NGB: variants seen among roughly 807,000 people sequenced by gnomAD.
The protein encoded by NGB is nitrite reductase.
NGB carries 12 observed loss-of-function variants against 17.3 expected under a neutral mutation model. That is an observed-to-expected ratio of 0.69 (90% CI 0.45 to 1.13). NGB has a LOEUF of 1.13. NGB is among the 50% of genes most tolerant of loss of function. The pLI is 0.00. For synonymous variants in NGB, 87 were observed against 81.0 expected, an observed-to-expected ratio of 1.07 and a Z score of -0.40; for missense variants, 195 against 191.7, an observed-to-expected ratio of 1.02 and a Z score of -0.10.
In NGB at chr14:77,266,502, CAG is replaced by C; in HGVS notation, c.*32_*33del. On this transcript the variant is annotated 3_prime_UTR_variant, in exon 4 of 4. Coordinates refer to ENST00000298352, the MANE Select transcript of NGB (RefSeq NM_021257.4). ...ACAGATACAGGCCAACAGACAGACA[CAG>C]ATGGATGGGGGCTGCCGGGCGGGGT... 1 of 1,600,700 alleles carries C rather than the reference CAG, an allele frequency of 6.2e-7. No homozygotes were observed. The highest frequency in any genetic ancestry group is 8.5e-7 in the Non-Finnish European group (1 of 1,173,016).
At chr14:77,269,438 C>A in intron 1 of NGB, 112 bp from the exon 2 acceptor site, 1 of 659,210 alleles carries the variant, frequency 1.5e-6, no homozygotes, top group Non-Finnish European at 2.7e-6. Context: ...GTCTCAGCTG[C>A]AAACCACAGC....
intron 3 of NGB, 100 bp from the exon 4 acceptor site, chr14:77,266,770 G>T: frequency 7.2e-7 from 1 of 1,390,636 alleles, no homozygotes; most frequent in Non-Finnish European, 9.7e-7. Flanking sequence ...TAGGGCTCCT[G>T]GGCCTTTTTT....
Position 77,268,844 on chromosome 14 carries a change from G to A in NGB, c.202-259C>T, listed in dbSNP as rs1889710433. On this transcript the variant is annotated intron_variant, in intron 2 of 3. Coordinates refer to ENST00000298352, the MANE Select transcript of NGB (RefSeq NM_021257.4). ...CACATCTCTAAACACACCTACTGGAGAGTGTTGTCTGCTGGGACAAGGAGA... is the reference window on the plus strand; with the variant it reads ...CACATCTCTAAACACACCTACTGGAAAGTGTTGTCTGCTGGGACAAGGAGA... Among the ~76,000 whole-genome samples, 4 of 152,356 alleles carry A rather than the reference G, an allele frequency of 2.6e-5. No homozygotes were observed. The South Asian group carries it at 8.3e-4, about 32-fold the overall frequency.
chr14:77,269,555 G>C (rs1889723083), intron 1 of NGB, among the ~76,000 whole-genome samples: 1 of 152,154 alleles, frequency 6.6e-6, no homozygotes, highest in East Asian at 1.9e-4. Context: ...ATGTGTCCCA[G>C]GGCCTCTGGT....
Position 77,270,888 on chromosome 14 carries a change from C to A in NGB, c.50G>T (p.Ser17Ile). The A allele has an allele frequency of 6.3e-7, 1 of 1,585,634 alleles. No individual in the cohort carries two copies. The highest frequency in any genetic ancestry group is 8.5e-7 in the Non-Finnish European group (1 of 1,172,552). Residue 17 changes from serine to isoleucine, a missense_variant, in exon 1 of 4, where the codon AGC becomes ATC. Ser to Ile is a moderately radical substitution (Grantham distance 142). Transcript: ENST00000298352. ...GGTGCCGTGCTCCAGCGGGCTGCGG[C>A]TCACTGCCCGCCAGCTCTGCCGGAT... ...ELIRQSWRAVSRSPLEHGTVL... is the reference protein window; with the variant it reads ...ELIRQSWRAVIRSPLEHGTVL...
chr14:77,268,570 CA>C lies in NGB; in HGVS notation c.216del (p.Ile72MetfsTer5). ...LDHIRKVMLVIDAAVTNVEDL... is the reference protein window; with the variant it reads ...LDHIRKVMLVXDAAVTNVEDL... ...TCTTCCACATTGGTCACTGCAGCATCAATCACGAGCATCACCTGCCAAGGCC... is the reference window on the plus strand; with the variant it reads ...TCTTCCACATTGGTCACTGCAGCATCATCACGAGCATCACCTGCCAAGGCC... On this transcript the variant is annotated frameshift_variant, in exon 3 of 4. Transcript: ENST00000298352. LOFTEE classifies it high-confidence loss of function. 1 of 1,614,010 alleles carries C rather than the reference CA, an allele frequency of 6.2e-7. No individual in the cohort carries two copies. The highest frequency in any genetic ancestry group is 8.5e-7 in the Non-Finnish European group (1 of 1,179,976).
chr14:77,269,790 C>T lies in NGB; in HGVS notation c.90-464G>A, dbSNP rs1306964. On this transcript the variant is annotated intron_variant, in intron 1 of 3. Transcript: ENST00000298352. ...CTCTCTCTCTCTCTCTCTCCCTCTCCCTCTCCCCCCCCCCCCCCCCCCCCC... is the reference window on the plus strand; with the variant it reads ...CTCTCTCTCTCTCTCTCTCCCTCTCTCTCTCCCCCCCCCCCCCCCCCCCCC... Among the ~76,000 whole-genome samples the T allele has an allele frequency of 4.1e-3, 96 of 23,500 alleles. 1 individual carries two copies. Among genetic ancestry groups the T allele is most frequent in the Non-Finnish European group, 5.2e-3 (68 of 12,990 alleles). 15.4% of individuals were successfully genotyped at this position (23,500 alleles called of 152,430 possible). A position where few individuals can be genotyped will look rare whatever the true frequency, so the allele number is the denominator to read the frequency against.
chr14:77,267,755 C>A (rs938136473), intron 3 of NGB, among the ~76,000 whole-genome samples: 1 of 152,172 alleles, frequency 6.6e-6, no homozygotes, highest in African/African-American at 2.4e-5. Flanking sequence ...GGCAAGGTGA[C>A]TGGACTGTGT....
chr14:77,266,708 A>G (rs1411142268), intron 3 of NGB, 38 bp from the exon 4 acceptor site: 1 of 1,607,140 alleles, frequency 6.2e-7, no homozygotes, highest in Non-Finnish European at 8.5e-7. Flanking sequence ...TTCCAAAGGC[A>G]GAAAGGCACT....
Position 77,270,885 on chromosome 14 carries a change from C to G in NGB, c.53G>C (p.Arg18Pro). The change falls in exon 1 of 4, where the codon CGC (arginine) becomes CCC (proline). Residue 18 changes from arginine (R) to proline (P), a missense_variant. Coordinates refer to ENST00000298352, the MANE Select transcript of NGB (RefSeq NM_021257.4). Reference protein sequence around the residue: ...LIRQSWRAVSRSPLEHGTVLF... With the variant: ...LIRQSWRAVSPSPLEHGTVLF... ...GACGGTGCCGTGCTCCAGCGGGCTG[C>G]GGCTCACTGCCCGCCAGCTCTGCCG... 1 of 1,585,274 alleles carries G rather than the reference C, an allele frequency of 6.3e-7. No homozygotes were observed. Among genetic ancestry groups the G allele is most frequent in the Non-Finnish European group, 8.5e-7 (1 of 1,172,378 alleles).
Position 77,271,097 on chromosome 14 carries a change from C to A in NGB, c.-160G>T, listed in dbSNP as rs1046734354. The stretch of plus-strand genomic sequence containing the variant: ...GGCCGCAGCCGCTCCTTCCCTGGCG[C>A]GGGAGAGAAAAGGCGCGCGGCCAGT... On this transcript the variant is annotated 5_prime_UTR_variant, in exon 1 of 4. Transcript: ENST00000298352. The A allele has an allele frequency of 1.7e-5, 9 of 537,920 alleles. No homozygotes were observed. Among genetic ancestry groups the A allele is most frequent in the Non-Finnish European group, 2.2e-5 (7 of 317,836 alleles). The allele number at this position is 537,920 out of a possible 1,614,324, so 33.3% of individuals were successfully genotyped here. A position where few individuals can be genotyped will look rare whatever the true frequency, so the allele number is the denominator to read the frequency against.
rs1474210146 is a variant in NGB at position 77,269,819 on chromosome 14, C to A, written c.90-493G>T. Among the ~76,000 whole-genome samples, 6 of 83,180 alleles carry A rather than the reference C, an allele frequency of 7.2e-5. No homozygotes were observed. The East Asian group carries it at 1.5e-3, about 21-fold the overall frequency. The allele number at this position is 83,180 out of a possible 152,430, so 54.6% of individuals were successfully genotyped here. ...TCCCCCCCCCCCCCCCCCCCCCCCC[C>A]CCCCTGCGCTGAGTACTTTCCGTGT... is the stretch of plus-strand genomic sequence containing the variant. On this transcript the variant is annotated intron_variant, in intron 1 of 3. Coordinates refer to ENST00000298352, the MANE Select transcript of NGB (RefSeq NM_021257.4).
Position 77,266,258 on chromosome 14 carries a change from T to C in NGB, c.*278A>G, listed in dbSNP as rs767088852. On this transcript the variant is annotated 3_prime_UTR_variant, in exon 4 of 4. Coordinates refer to ENST00000298352, the MANE Select transcript of NGB (RefSeq NM_021257.4). ...CCCACCTCTGCCACCAAAACACTCA[T>C]CGCGGGGTCAGAGGGAGTGCCAAAA... 1.5e-5 allele frequency: 10 copies of C among 649,256 alleles called. No homozygotes were observed. The highest frequency in any genetic ancestry group is 2.1e-5 in the Non-Finnish European group (7 of 335,014). 40.2% of individuals were successfully genotyped at this position (649,256 alleles called of 1,614,324 possible). A position where few individuals can be genotyped will look rare whatever the true frequency, so the allele number is the denominator to read the frequency against.
At chr14:77,268,196 T>C (rs28988620) in intron 3 of NGB, among the ~76,000 whole-genome samples, 160 of 152,274 alleles carry the variant, frequency 1.1e-3, no homozygotes, top group Non-Finnish European at 2.0e-3. Flanking sequence ...GTTTGATACA[T>C]AGCAATAGAA....
rs1889718872 is a variant in NGB, at chr14:77,269,332, G to A, written c.90-6C>T. 1 of 1,539,742 alleles carries A rather than the reference G, an allele frequency of 6.5e-7. No individual in the cohort carries two copies. The highest frequency in any genetic ancestry group is 8.8e-7 in the Non-Finnish European group (1 of 1,136,484). Reference sequence around the variant, plus strand: ...CAGGCTCCAGGGCAAACAGCCTGTGGGAGTGAGGCCCAGGTGTTAGCCCTG... The same window carrying A: ...CAGGCTCCAGGGCAAACAGCCTGTGAGAGTGAGGCCCAGGTGTTAGCCCTG... On this transcript the variant is annotated splice_region_variant and splice_polypyrimidine_tract_variant and intron_variant, in intron 1 of 3. Coordinates refer to ENST00000298352, the MANE Select transcript of NGB (RefSeq NM_021257.4).
At chr14:77,270,171 G>A (rs1889751277) in intron 1 of NGB, among the ~76,000 whole-genome samples, 1 of 152,134 alleles carries the variant, frequency 6.6e-6, no homozygotes. Context: ...ACCACGGTGA[G>A]GGAAGCAGTG....
chr14:77,271,111 C>T lies in NGB; in HGVS notation c.-174G>A. ...CTTCCCTGGCGCGGGAGAGAAAAGG[C>T]GCGCGGCCAGTCGTAGGTGGAGACA... On this transcript the variant is annotated 5_prime_UTR_variant, in exon 1 of 4. Coordinates refer to ENST00000298352, the MANE Select transcript of NGB (RefSeq NM_021257.4). 1 of 517,690 alleles carries T rather than the reference C, an allele frequency of 1.9e-6. No individual in the cohort carries two copies. Among genetic ancestry groups the T allele is most frequent in the East Asian group, 3.6e-5 (1 of 28,070 alleles). 32.1% of individuals were successfully genotyped at this position (517,690 alleles called of 1,614,324 possible).
chr14:77,266,440 A>G lies in NGB; in HGVS notation c.*96T>C. The G allele has an allele frequency of 6.5e-7, 1 of 1,528,254 alleles. No individual in the cohort carries two copies. The highest frequency in any genetic ancestry group is 9.0e-7 in the Non-Finnish European group (1 of 1,116,376). 94.7% of individuals were successfully genotyped at this position (1,528,254 alleles called of 1,614,324 possible). On this transcript the variant is annotated 3_prime_UTR_variant, in exon 4 of 4. Coordinates refer to ENST00000298352, the MANE Select transcript of NGB (RefSeq NM_021257.4). ...CTCCAGTGTGGCCAAGGGGACAAGG[A>G]CCAAGATGCAGGGAAGCTTGGGGAG...
At chr14:77,266,811 G>A (rs1889678818) in intron 3 of NGB, 141 bp from the exon 4 acceptor site, 4 of 890,080 alleles carry the variant, frequency 4.5e-6, no homozygotes, top group African/African-American at 3.4e-5. Flanking sequence ...TGCTTCCTGA[G>A]CAGGGTCCTA....
Sources: gnomAD v4.1 joint callset for allele counts (sites outside exome capture counted in the v4.1 genomes callset) on GRCh38, gnomAD v4.1.1 for gene constraint, MANE v1.5 for transcripts, NCBI Gene and HGNC (gene_info 2026-07-23, HGNC 2026-07-21) for gene names.